Variants in CDC42 observed in about 807,000 individuals in gnomAD.
The protein encoded by CDC42 is cell division cycle 42.
CDC42 carries 1 observed loss-of-function variant against 20.8 expected under a neutral mutation model. That is an observed-to-expected ratio of 0.05 (90% CI 0.02 to 0.23). The LOEUF (loss-of-function observed/expected upper bound fraction) is 0.23, where lower values mean the gene tolerates loss of function less well. Ranked by LOEUF, CDC42 falls within the 10% of genes least tolerant of loss-of-function variation. CDC42 has a pLI of 1.00. For synonymous variants in CDC42, 72 were observed against 84.8 expected (o/e 0.85, Z 0.83); for missense variants, 49 against 227.9 (o/e 0.21, Z 5.05).
chr1:22,073,352 T>C (rs1348107391), intron 1 of CDC42, among the ~76,000 whole-genome samples: 5 of 151,298 alleles, frequency 3.3e-5, no homozygotes, highest in Non-Finnish European at 7.4e-5. Context: ...GCCTGGCCAA[T>C]GTGGCGAAAC....
Position 22,096,502 on chromosome 1 carries a change from CATTT to C in CDC42, c.*4986_*4989del, listed in dbSNP as rs754147420. 3.9e-5 allele frequency among the ~76,000 whole-genome samples: 6 copies of C among 152,166 alleles called. No homozygotes were observed. Among genetic ancestry groups the C allele is most frequent in the South Asian group, 2.1e-4 (1 of 4,832 alleles). On this transcript the variant is annotated 3_prime_UTR_variant, in exon 6 of 6. Transcript: ENST00000656825. ...TGTGCATGCATATTCATGACACATT[CATTT>C]GTCATTATTTATCAAAAACCTGTTC... is the stretch of plus-strand genomic sequence containing the variant.
intron 1 of CDC42, among the ~76,000 whole-genome samples, chr1:22,062,730 T>TAAAA (rs531472151): frequency 1.4e-5 from 1 of 69,402 alleles, no homozygotes; most frequent in African/African-American, 5.9e-5. Context: ...TGGCTCTATT[T>TAAAA]AAAAAAAAAA....
At chr1:22,061,528 C>CTTT in intron 1 of CDC42, among the ~76,000 whole-genome samples, 1 of 86,298 alleles carries the variant, frequency 1.2e-5, no homozygotes, top group African/African-American at 4.5e-5. Flanking sequence ...CTTCATGTTT[C>CTTT]TTTCTTTTTT....
chr1:22,072,363 C>CT (rs1004878765), intron 1 of CDC42, among the ~76,000 whole-genome samples: 4 of 152,124 alleles, frequency 2.6e-5, no homozygotes, highest in African/African-American at 9.6e-5. Context: ...TCCCAAAGTG[C>CT]TGGGATTACA....
In CDC42 at chr1:22,061,529, TTTC is replaced by T. The variant is rs1362542520; in HGVS notation, c.-51+8790_-51+8792del. ...GTCAATCAGTTTAACTTCATGTTTC[TTTC>T]TTTTTTTTTTTTTTTTTTTTTTTTT... On this transcript the variant is annotated intron_variant, in intron 1 of 5. Transcript: ENST00000656825. 3.2e-3 allele frequency among the ~76,000 whole-genome samples: 49 copies of T among 15,344 alleles called. 1 individual carries two copies. The highest frequency in any genetic ancestry group is 6.5e-3 in the African/African-American group (32 of 4,908). The allele number at this position is 15,344 out of a possible 152,430, so 10.1% of individuals were successfully genotyped here.
intron 1 of CDC42, among the ~76,000 whole-genome samples, chr1:22,073,818 TA>T (rs1480344330): frequency 1.6e-5 from 1 of 64,238 alleles, no homozygotes; most frequent in African/African-American, 5.1e-5. Context: ...TTCACCCAGC[TA>T]ATTTTTTTTT....
chr1:22,089,548 A>G (rs1212977962), intron 5 of CDC42, among the ~76,000 whole-genome samples: 3 of 152,220 alleles, frequency 2.0e-5, no homozygotes, highest in Non-Finnish European at 4.4e-5. Context: ...GTTTACTCTG[A>G]AATCTTGATT....
chr1:22,052,943 C>CG (rs1645252091), intron 1 of CDC42: 1 of 145,404 alleles, frequency 6.9e-6, no homozygotes, highest in South Asian at 2.5e-4. Flanking sequence ...GGAGCCGGGG[C>CG]GGGGGTCGCG....
chr1:22,084,341 T>TG (rs1645638788), intron 3 of CDC42, among the ~76,000 whole-genome samples: 2 of 94,140 alleles, frequency 2.1e-5, no homozygotes, highest in East Asian at 5.4e-4. Context: ...TCCTGTTTTT[T>TG]TTTTTTTTTT....
At chr1:22,069,456 G>T (rs1387400824) in intron 1 of CDC42, among the ~76,000 whole-genome samples, 2 of 151,346 alleles carry the variant, frequency 1.3e-5, no homozygotes, top group African/African-American at 2.4e-5. Flanking sequence ...GATTATAGGC[G>T]TGAGCCACCA....
At chr1:22,056,435 T>C (rs1645305484) in intron 1 of CDC42, among the ~76,000 whole-genome samples, 1 of 152,244 alleles carries the variant, frequency 6.6e-6, no homozygotes, top group Non-Finnish European at 1.5e-5. Context: ...CTAAAAATTA[T>C]TCACTTAATG....
chr1:22,084,399 TTG>T (rs944048485), intron 3 of CDC42, among the ~76,000 whole-genome samples: 19 of 146,976 alleles, frequency 1.3e-4, no homozygotes, highest in African/African-American at 4.2e-4. Context: ...TGGTATCTAA[TTG>T]TGGTTTTGAT....
At chr1:22,082,655 A>G (rs536005059) in intron 3 of CDC42, among the ~76,000 whole-genome samples, 9 of 152,350 alleles carry the variant, frequency 5.9e-5, no homozygotes, top group Admixed American at 5.9e-4. Flanking sequence ...TGTTGCTTCC[A>G]TGGAATGTGG....
At chr1:22,090,516 G>T (rs1342272000) in intron 5 of CDC42, 2 of 987,268 alleles carry the variant, frequency 2.0e-6, no homozygotes, top group Non-Finnish European at 2.4e-6. Context: ...GTTTTCCTTT[G>T]TGCGGTGAAA....
rs535788755 is a variant in CDC42 at position 22,089,813 on chromosome 1, T to G, written c.487-1615T>G. On this transcript the variant is annotated intron_variant, in intron 5 of 5. Transcript: ENST00000656825. ...TTATAATGGGCTTAAGATCTAGCAT[T>G]CTAGCGTTTTTCTTAAGGCACATTG... 4.6e-5 allele frequency: 40 copies of G among 863,496 alleles called. No individual in the cohort carries two copies. The African/African-American group carries it at 5.7e-4, about 12-fold the overall frequency. 53.5% of individuals were successfully genotyped at this position (863,496 alleles called of 1,614,324 possible).
At position 22,093,181 on chromosome 1, in the gene CDC42, A is replaced by T. The variant is rs939874037; in HGVS notation, c.*1664A>T. 3.9e-5 allele frequency among the ~76,000 whole-genome samples: 6 copies of T among 152,148 alleles called. No individual in the cohort carries two copies. The highest frequency in any genetic ancestry group is 3.9e-4 in the Admixed American group (6 of 15,274). On this transcript the variant is annotated 3_prime_UTR_variant, in exon 6 of 6. Coordinates refer to ENST00000656825, the MANE Select transcript of CDC42 (RefSeq NM_001791.4). ...CCCTTAAATACCAAGTAGGTCCATA[A>T]TAATTCTTAGTGAAGCAGTGTTCAG...
At chr1:22,077,594 AT>A (rs17837969) in intron 1 of CDC42, among the ~76,000 whole-genome samples, 160 of 152,296 alleles carry the variant, frequency 1.1e-3, no homozygotes, top group African/African-American at 3.7e-3. Flanking sequence ...TGAATCTAAG[AT>A]TCCAATTTCA....
intron 1 of CDC42, among the ~76,000 whole-genome samples, chr1:22,076,584 A>G (rs1645552929): frequency 6.6e-6 from 1 of 152,212 alleles, no homozygotes; most frequent in African/African-American, 2.4e-5. Context: ...AATACAGCAC[A>G]TACTTCATAG....
chr1:22,077,540 G>A (rs944256710), intron 1 of CDC42, among the ~76,000 whole-genome samples: 13 of 151,896 alleles, frequency 8.6e-5, no homozygotes, highest in African/African-American at 3.1e-4. Flanking sequence ...CATATTGGGT[G>A]GTGTTTCTTT....
Sources: allele counts gnomAD v4.1 joint callset (sites outside exome capture counted in the v4.1 genomes callset), GRCh38; gene constraint gnomAD v4.1.1; transcripts MANE v1.5; gene names NCBI Gene and HGNC (gene_info 2026-07-23, HGNC 2026-07-21).